TENM3: variants seen among roughly 807,000 people sequenced by gnomAD.
TENM3 encodes the protein teneurin-3.
Under a neutral mutation model 255.1 loss-of-function variants are expected in TENM3, and 63 were observed. The ratio of observed to expected loss-of-function variants is 0.25; its 90% CI spans 0.20 to 0.30. The LOEUF is 0.30. TENM3 is among the 10% of genes least tolerant of loss of function. TENM3 has a pLI of 1.00. For missense variants in TENM3, 2,929 were observed against 3,461.1 expected (o/e 0.85, Z 3.86); for synonymous variants, 1,306 against 1,322.3 (o/e 0.99, Z 0.27).
At chr4:182,563,227 C>T (rs1055265381) in intron 3 of TENM3, among the ~76,000 whole-genome samples, 7 of 152,130 alleles carry the variant, frequency 4.6e-5, no homozygotes, top group African/African-American at 1.4e-4. Context: ...CCAGCCTGGC[C>T]AACATGTCGT....
At chr4:182,046,214 A>C in the TENM3 span, among the ~76,000 whole-genome samples, 3 of 152,174 alleles carry the variant, frequency 2.0e-5, no homozygotes, top group Admixed American at 6.5e-5. Flanking sequence ...TGAAGATAGC[A>C]TGGGCCTTGG....
At chr4:182,524,909 G>A (rs938521869) in intron 3 of TENM3, among the ~76,000 whole-genome samples, 2 of 151,820 alleles carry the variant, frequency 1.3e-5, no homozygotes, top group Non-Finnish European at 2.9e-5. Flanking sequence ...CCTGTGGTAC[G>A]GTCCCAGCTA....
At chr4:182,404,010 C>A (rs1391205025) in intron 3 of TENM3, among the ~76,000 whole-genome samples, 1 of 152,242 alleles carries the variant, frequency 6.6e-6, no homozygotes, top group Non-Finnish European at 1.5e-5. Flanking sequence ...GCAAGAACCA[C>A]TGCACCAAGC....
the TENM3 span, among the ~76,000 whole-genome samples, chr4:181,528,794 G>A: frequency 2.6e-5 from 4 of 152,284 alleles, no homozygotes; most frequent in Middle Eastern, 6.8e-3. Context: ...GTGCATACAC[G>A]CTGCTCAGGT....
intron 5 of TENM3, among the ~76,000 whole-genome samples, chr4:182,638,257 G>T (rs1293286021): frequency 6.6e-6 from 1 of 152,142 alleles, no homozygotes; most frequent in Admixed American, 6.5e-5. Context: ...TCAAAAAAAT[G>T]TTTTTAAAAA....
chr4:181,722,808 T>C, the TENM3 span, among the ~76,000 whole-genome samples: 1 of 152,222 alleles, frequency 6.6e-6, no homozygotes, highest in East Asian at 1.9e-4. Flanking sequence ...TCCTCAAAAG[T>C]ATGATTTTTA....
chr4:182,091,432 G>A, the TENM3 span, among the ~76,000 whole-genome samples: 1 of 152,218 alleles, frequency 6.6e-6, no homozygotes, highest in Non-Finnish European at 1.5e-5. Flanking sequence ...GAGGTAGCCA[G>A]ATGGTGGTAA....
chr4:182,273,859 A>G (rs1293471122), intron 1 of TENM3, among the ~76,000 whole-genome samples: 2 of 152,238 alleles, frequency 1.3e-5, no homozygotes, highest in Non-Finnish European at 2.9e-5. Flanking sequence ...ATTTTGGTTT[A>G]AATTTAATGA....
At chr4:181,853,928 T>A in the TENM3 span, among the ~76,000 whole-genome samples, 1 of 152,224 alleles carries the variant, frequency 6.6e-6, no homozygotes. Flanking sequence ...ATAGAAGATT[T>A]TGTTGAAAGA....
intron 1 of TENM3, among the ~76,000 whole-genome samples, chr4:182,311,841 C>G (rs1402627230): frequency 6.6e-6 from 1 of 152,222 alleles, no homozygotes; most frequent in South Asian, 2.1e-4. Flanking sequence ...GACTTCCCAA[C>G]TATCACTGGG....
At chr4:182,634,705 A>AT (rs1460873357) in intron 5 of TENM3, among the ~76,000 whole-genome samples, 3 of 107,230 alleles carry the variant, frequency 2.8e-5, no homozygotes, top group East Asian at 6.3e-4. Flanking sequence ...TGACTCTGAA[A>AT]TTAAAAAAAA....
chr4:182,715,746 AACACACACACTCAC>A (rs1759106089), intron 13 of TENM3, among the ~76,000 whole-genome samples: 1 of 151,994 alleles, frequency 6.6e-6, no homozygotes, highest in African/African-American at 2.4e-5. Flanking sequence ...TCCAACCCAA[AACACACACACTCAC>A]ACACACACAC....
intron 1 of TENM3, among the ~76,000 whole-genome samples, chr4:182,308,321 GT>G (rs58934336): frequency 4.3e-4 from 63 of 146,980 alleles, no homozygotes; most frequent in African/African-American, 1.0e-3. Flanking sequence ...CACATATTTG[GT>G]TTTTTTTTTT....
chr4:182,421,446 TTGAAAGA>T (rs2151138415), intron 3 of TENM3, among the ~76,000 whole-genome samples: 1 of 152,306 alleles, frequency 6.6e-6, no homozygotes, highest in Admixed American at 6.5e-5. Flanking sequence ...AGGTATGACT[TTGAAAGA>T]TGAAATAAAT....
the TENM3 span, among the ~76,000 whole-genome samples, chr4:181,589,421 G>A: frequency 6.6e-6 from 1 of 152,114 alleles, no homozygotes; most frequent in Non-Finnish European, 1.5e-5. Flanking sequence ...GGAGAACATT[G>A]AATGCTATGT....
At chr4:182,146,673 G>A (rs1749988958) in intron 1 of TENM3, among the ~76,000 whole-genome samples, 1 of 152,068 alleles carries the variant, frequency 6.6e-6, no homozygotes, top group Non-Finnish European at 1.5e-5. Context: ...TACATGCACT[G>A]CACAGTTTTT....
At chr4:181,980,172 G>C in the TENM3 span, 1 of 152,398 alleles carries the variant, frequency 6.6e-6, no homozygotes, top group Admixed American at 6.5e-5. Context: ...GGGAATGCCA[G>C]TTCCCTAATG....
the TENM3 span, among the ~76,000 whole-genome samples, chr4:181,630,769 A>G: frequency 1.3e-5 from 2 of 152,138 alleles, no homozygotes; most frequent in Admixed American, 1.3e-4. Flanking sequence ...TATGTGGTCA[A>G]TTTTAGAATA....
At chr4:181,487,666 A>T in the TENM3 span, among the ~76,000 whole-genome samples, 1 of 152,130 alleles carries the variant, frequency 6.6e-6, no homozygotes, top group Non-Finnish European at 1.5e-5. Context: ...GAATTTGAGG[A>T]GAGACACAAA....
Sources: allele counts gnomAD v4.1 joint callset (sites outside exome capture counted in the v4.1 genomes callset), GRCh38; gene constraint gnomAD v4.1.1; transcripts MANE v1.5; gene names NCBI Gene and HGNC (gene_info 2026-07-23, HGNC 2026-07-21).